NUP62CL: variants seen among roughly 807,000 people sequenced by gnomAD.
The protein encoded by NUP62CL is nucleoporin 62 C-terminal like, also known as nucleoporin-62 C-terminal-like protein.
In NUP62CL, 13 loss-of-function variants were observed where a neutral mutation model predicts 15.3. That is an observed-to-expected ratio of 0.85 (90% CI 0.55 to 1.35). The LOEUF is 1.35. Among genes scored for constraint, NUP62CL ranks in the 40% most tolerant of loss-of-function variants. The pLI is 0.00. For missense variants in NUP62CL, 123 were observed against 130.6 expected, an observed-to-expected ratio of 0.94 and a Z score of 0.28; for synonymous variants, 54 against 49.2, an observed-to-expected ratio of 1.10 and a Z score of -0.41.
At chrX:107,201,895 G>A (rs1403883855) in intron 1 of NUP62CL, among the ~76,000 whole-genome samples, 1 of 111,224 alleles carries the variant, frequency 9.0e-6, no homozygotes, top group African/African-American at 3.3e-5. Flanking sequence ...CCAAGATCAC[G>A]TGGCTGCACT....
At chrX:107,176,609 G>A (rs1264122596) in intron 2 of NUP62CL, among the ~76,000 whole-genome samples, 1 of 108,530 alleles carries the variant, frequency 9.2e-6, no homozygotes, top group African/African-American at 3.4e-5. Context: ...TTACATAGTG[G>A]TGATAGTTGT....
intron 8 of NUP62CL, among the ~76,000 whole-genome samples, chrX:107,128,776 C>G (rs1361526140): frequency 8.9e-6 from 1 of 111,750 alleles, no homozygotes; most frequent in African/African-American, 3.3e-5. Flanking sequence ...GAAAGAATAT[C>G]AGGCGTTTAG....
intron 1 of NUP62CL, among the ~76,000 whole-genome samples, chrX:107,193,597 T>G (rs1043413130): frequency 4.5e-5 from 5 of 111,278 alleles, no homozygotes; most frequent in African/African-American, 1.6e-4. Flanking sequence ...TCATAAAAAC[T>G]GGTTAGGAGT....
Position 107,153,791 on chromosome X carries a change from G to T in NUP62CL, c.346-288C>A, listed in dbSNP as rs748249383. 1.2e-4 allele frequency among the ~76,000 whole-genome samples: 13 copies of T among 111,010 alleles called. No homozygotes were observed. The South Asian group carries it at 2.7e-3, about 23-fold the overall frequency. ...GAGACCAGACTGGACAACGCAGTGGGACCCTATCCCTACTGAAAAAACACA... is the reference window on the plus strand; with the variant it reads ...GAGACCAGACTGGACAACGCAGTGGTACCCTATCCCTACTGAAAAAACACA... On this transcript the variant is annotated intron_variant, in intron 5 of 8. Transcript: ENST00000372466.
At chrX:107,179,958 C>A (rs1209804298) in intron 2 of NUP62CL, among the ~76,000 whole-genome samples, 1 of 88,314 alleles carries the variant, frequency 1.1e-5, no homozygotes, top group Non-Finnish European at 2.0e-5. Context: ...GTAGTCAAAT[C>A]TTTCCATCAT....
intron 2 of NUP62CL, among the ~76,000 whole-genome samples, chrX:107,180,560 G>C (rs970061593): frequency 8.9e-6 from 1 of 111,948 alleles, no homozygotes; most frequent in Non-Finnish European, 1.9e-5. Context: ...AAGTTTTTAA[G>C]TAAGGTACAG....
At chrX:107,152,117 G>GATATATATATATATATTCAT (rs3072230) in intron 7 of NUP62CL, among the ~76,000 whole-genome samples, 1 of 34,756 alleles carries the variant, frequency 2.9e-5, no homozygotes, top group African/African-American at 1.6e-4. Flanking sequence ...TATATATTCA[G>GATATATATATATATATTCAT]ATATATATAT....
At chrX:107,154,952 G>A (rs1275228348) in intron 4 of NUP62CL, among the ~76,000 whole-genome samples, 1 of 112,002 alleles carries the variant, frequency 8.9e-6, no homozygotes, top group Non-Finnish European at 1.9e-5. Flanking sequence ...GAGGCAGAAT[G>A]AGGCAGGGTT....
intron 7 of NUP62CL, among the ~76,000 whole-genome samples, chrX:107,151,195 C>T (rs1332691711): frequency 1.8e-5 from 2 of 111,213 alleles, no homozygotes; most frequent in African/African-American, 6.5e-5. Context: ...ATCTACCTTG[C>T]CTTTTTACCT....
chrX:107,191,050 T>A (rs951576343), intron 2 of NUP62CL, among the ~76,000 whole-genome samples: 10 of 105,308 alleles, frequency 9.5e-5, no homozygotes, highest in Non-Finnish European at 1.7e-4. Flanking sequence ...TTTTTTTTTT[T>A]AATTGTTGTG....
chrX:107,131,619 C>G, intron 8 of NUP62CL: 1 of 483,866 alleles, frequency 2.1e-6, no homozygotes, highest in Non-Finnish European at 3.7e-6. Flanking sequence ...GACTAGTAGG[C>G]GAGGCGCCGC....
At chrX:107,155,451 C>T (rs1271039211) in intron 4 of NUP62CL, among the ~76,000 whole-genome samples, 1 of 112,132 alleles carries the variant, frequency 8.9e-6, no homozygotes, top group East Asian at 2.8e-4. Flanking sequence ...GGGAGCTGAG[C>T]TTACATCTCC....
At chrX:107,194,255 A>G (rs775189065) in intron 1 of NUP62CL, among the ~76,000 whole-genome samples, 4 of 111,362 alleles carry the variant, frequency 3.6e-5, no homozygotes, top group Non-Finnish European at 7.5e-5. Context: ...CAAGCAGGCA[A>G]TCCCTCCTCA....
In NUP62CL at chrX:107,124,337, A is replaced by G. The variant is rs1602631365; in HGVS notation, c.*43-5T>C. On this transcript the variant is annotated splice_region_variant and splice_polypyrimidine_tract_variant and intron_variant, in intron 8 of 8. Transcript: ENST00000372466. ...CTACCTTCCTTCGCAGCATGCCTATAGGAGAAAAAGTCACACAATCATTAA... is the reference window on the plus strand; with the variant it reads ...CTACCTTCCTTCGCAGCATGCCTATGGGAGAAAAAGTCACACAATCATTAA... 1 of 338,296 alleles carries G rather than the reference A, an allele frequency of 3.0e-6. No homozygotes were observed. The highest frequency in any genetic ancestry group is 2.7e-5 in the African/African-American group (1 of 37,611). The allele number at this position is 338,296 out of a possible 1,213,427, so 27.9% of individuals were successfully genotyped here.
At position 107,153,500 on chromosome X, in the gene NUP62CL, G is replaced by GA. The variant is rs1926099447; in HGVS notation, c.348dup (p.Arg117SerfsTer44). The GA allele has an allele frequency of 9.1e-7, 1 of 1,099,952 alleles. No individual in the cohort carries two copies. The highest frequency in any genetic ancestry group is 1.2e-6 in the Non-Finnish European group (1 of 818,293). The allele number at this position is 1,099,952 out of a possible 1,213,427, so 90.6% of individuals were successfully genotyped here. A position where few individuals can be genotyped will look rare whatever the true frequency, so the allele number is the denominator to read the frequency against. ...TTGTTCACTTCTCCATGTAAAATAC[G>GA]AATCTATAAAGAGAAATATGAATAC... On this transcript the variant is annotated frameshift_variant, in exon 6 of 9. Transcript: ENST00000372466. LOFTEE classifies it high-confidence loss of function.
At chrX:107,197,347 C>T (rs1308248423) in intron 1 of NUP62CL, among the ~76,000 whole-genome samples, 1 of 111,076 alleles carries the variant, frequency 9.0e-6, no homozygotes, top group Non-Finnish European at 1.9e-5. Flanking sequence ...GAACTTAGCA[C>T]ACTTTAGCTT....
At chrX:107,156,049 C>T (rs1445313990) in intron 4 of NUP62CL, among the ~76,000 whole-genome samples, 1 of 110,874 alleles carries the variant, frequency 9.0e-6, no homozygotes, top group African/African-American at 3.3e-5. Flanking sequence ...GTCACTCCCA[C>T]CCGAATATTG....
At chrX:107,187,424 G>C (rs1337881917) in intron 2 of NUP62CL, among the ~76,000 whole-genome samples, 1 of 112,197 alleles carries the variant, frequency 8.9e-6, no homozygotes, top group African/African-American at 3.2e-5. Context: ...TTGAGATGAA[G>C]TCTGGCTCTG....
In NUP62CL at chrX:107,184,336, A is replaced by AG. The variant is rs1569364484; in HGVS notation, c.-48+8692_-48+8693insC. Among the ~76,000 whole-genome samples, 171 of 78,970 alleles carry AG rather than the reference A, an allele frequency of 2.2e-3. 1 individual carries two copies. The highest frequency in any genetic ancestry group is 9.1e-3 in the African/African-American group (164 of 18,005). The allele number at this position is 78,970 out of a possible 115,157, so 68.6% of individuals were successfully genotyped here. A position where few individuals can be genotyped will look rare whatever the true frequency, so the allele number is the denominator to read the frequency against. On this transcript the variant is annotated intron_variant, in intron 2 of 8. Transcript: ENST00000372466. ...GAAAGAAAGAAAGAAAGAAAGAAAGAAAGAAAGAAAGAAAGAAAGAAACTA... is the reference window on the plus strand; with the variant it reads ...GAAAGAAAGAAAGAAAGAAAGAAAGAGAAGAAAGAAAGAAAGAAAGAAACTA...
Sources: gnomAD v4.1 joint callset for allele counts (sites outside exome capture counted in the v4.1 genomes callset) on GRCh38, gnomAD v4.1.1 for gene constraint, MANE v1.5 for transcripts, NCBI Gene and HGNC (gene_info 2026-07-23, HGNC 2026-07-21) for gene names.